The following PTPRD variants were observed in gnomAD, a reference collection of about 807,000 sequenced individuals.
PTPRD encodes protein tyrosine phosphatase receptor type D, also known as receptor-type tyrosine-protein phosphatase delta.
In PTPRD, 34 loss-of-function variants were observed where a neutral mutation model predicts 214.5. The ratio of observed to expected loss-of-function variants is 0.16; its 90% confidence interval spans 0.12 to 0.21. The LOEUF (loss-of-function observed/expected upper bound fraction) is 0.21, where lower values mean the gene tolerates loss of function less well. Ranked by LOEUF, PTPRD falls within the 10% of genes least tolerant of loss-of-function variation. The pLI, the probability that PTPRD is intolerant of heterozygous loss-of-function variation, is 1.00. For missense variants in PTPRD, 2,545 were observed against 2,398.7 expected (o/e 1.06, Z -1.27); for synonymous variants, 1,128 against 845.7 (o/e 1.33, Z -5.79).
intron 11 of PTPRD, among the ~76,000 whole-genome samples, chr9:8,943,700 C>T (rs546045337): frequency 6.7e-6 from 1 of 149,656 alleles, no homozygotes; most frequent in Admixed American, 6.7e-5. Flanking sequence ...ACTAGATATC[C>T]ACATGCAGAA....
At chr9:9,397,319 C>A (rs2141184415) in intron 9 of PTPRD, 130 bp downstream of exon 9, 1 of 152,230 alleles carries the variant, frequency 6.6e-6, no homozygotes, top group East Asian at 1.9e-4. Flanking sequence ...TCCTAAAATG[C>A]CTAATGAACT....
intron 4 of PTPRD, among the ~76,000 whole-genome samples, chr9:9,949,012 G>C (rs1202593212): frequency 6.6e-6 from 1 of 151,954 alleles, no homozygotes; most frequent in Non-Finnish European, 1.5e-5. Context: ...AGATTTCTGT[G>C]GTGGGATAAA....
chr9:9,523,058 T>A (rs828818), intron 8 of PTPRD, among the ~76,000 whole-genome samples: 5 of 152,188 alleles, frequency 3.3e-5, no homozygotes, highest in African/African-American at 1.2e-4. Context: ...ATAATTTATT[T>A]ATGTTGTTAA....
At chr9:8,809,430 A>G (rs142632175) in intron 11 of PTPRD, among the ~76,000 whole-genome samples, 304 of 152,284 alleles carry the variant, frequency 2.0e-3, no homozygotes, top group African/African-American at 7.1e-3. Context: ...TAGGCCTAAC[A>G]GTGGAGCCAA....
intron 34 of PTPRD, among the ~76,000 whole-genome samples, chr9:8,446,519 C>T (rs920686055): frequency 6.6e-6 from 1 of 152,110 alleles, no homozygotes; most frequent in East Asian, 1.9e-4. Flanking sequence ...AATCAATTTG[C>T]CTTTGGGAAC....
intron 4 of PTPRD, among the ~76,000 whole-genome samples, chr9:9,957,971 G>A (rs745548934): frequency 1.3e-5 from 2 of 151,324 alleles, no homozygotes; most frequent in Non-Finnish European, 2.9e-5. Context: ...GCAATTCAAT[G>A]GGGAAAAGGT....
chr9:8,469,930 T>G (rs10977133), intron 31 of PTPRD, among the ~76,000 whole-genome samples: 34,115 of 152,020 alleles, frequency 0.22, 4,596 homozygotes, highest in African/African-American at 0.37. Context: ...GTCTCCTTTG[T>G]GCAGACATAG....
intron 3 of PTPRD, among the ~76,000 whole-genome samples, chr9:10,041,711 T>A (rs2097299664): frequency 6.6e-6 from 1 of 152,046 alleles, no homozygotes; most frequent in African/African-American, 2.4e-5. Context: ...AAATTATAAT[T>A]TTCTTTGCAC....
intron 3 of PTPRD, among the ~76,000 whole-genome samples, chr9:10,252,295 C>T (rs115342284): frequency 6.6e-5 from 10 of 151,776 alleles, no homozygotes; most frequent in African/African-American, 2.4e-4. Flanking sequence ...CTGTGTGCCA[C>T]TCCTTCATCT....
intron 8 of PTPRD, among the ~76,000 whole-genome samples, chr9:9,462,681 C>T (rs1039690961): frequency 2.6e-5 from 4 of 152,074 alleles, no homozygotes; most frequent in East Asian, 1.9e-4. Flanking sequence ...TTTTCCTTTT[C>T]GATCTCCCTA....
chr9:8,797,533 T>C (rs1434276), intron 11 of PTPRD, among the ~76,000 whole-genome samples: 77,312 of 152,028 alleles, frequency 0.51, 21,120 homozygotes, highest in Middle Eastern at 0.67. Flanking sequence ...AAGATCGCCT[T>C]GCCCTTGAGA....
intron 5 of PTPRD, among the ~76,000 whole-genome samples, chr9:9,803,171 G>A (rs2099052210): frequency 1.3e-5 from 2 of 151,362 alleles, no homozygotes; most frequent in Non-Finnish European, 3.0e-5. Flanking sequence ...ACTGAAAATT[G>A]TGGTGGTCTA....
chr9:9,143,813 A>G (rs1310186797), intron 10 of PTPRD, among the ~76,000 whole-genome samples: 1 of 152,264 alleles, frequency 6.6e-6, no homozygotes, highest in African/African-American at 2.4e-5. Flanking sequence ...TTTGGACAGT[A>G]ACATAACCGA....
chr9:9,370,866 T>C (rs1281510433), intron 9 of PTPRD, among the ~76,000 whole-genome samples: 3 of 152,154 alleles, frequency 2.0e-5, no homozygotes, highest in Non-Finnish European at 2.9e-5. Context: ...TCTATTGAGA[T>C]AATCATGTGG....
chr9:9,389,988 A>T (rs1412441428), intron 9 of PTPRD, among the ~76,000 whole-genome samples: 1 of 152,184 alleles, frequency 6.6e-6, no homozygotes, highest in Non-Finnish European at 1.5e-5. Flanking sequence ...TAAGAGCATT[A>T]AGTGGGATAA....
At chr9:8,471,448 G>T (rs569722946) in intron 30 of PTPRD, among the ~76,000 whole-genome samples, 2 of 152,040 alleles carry the variant, frequency 1.3e-5, no homozygotes, top group Non-Finnish European at 2.9e-5. Flanking sequence ...TCTATGACAT[G>T]AATTTATAAG....
intron 3 of PTPRD, among the ~76,000 whole-genome samples, chr9:10,158,182 T>G (rs566900552): frequency 6.2e-4 from 94 of 152,220 alleles, no homozygotes; most frequent in South Asian, 2.1e-3. Flanking sequence ...TAATTTTTTG[T>G]GTTTTTAGTA....
chr9:8,463,308 CAAAAAAAAAAAAAAAAA>C (rs71308864), intron 32 of PTPRD, among the ~76,000 whole-genome samples: 1 of 28,862 alleles, frequency 3.5e-5, no homozygotes, highest in East Asian at 8.5e-4. Flanking sequence ...CAGAGGCAGC[CAAAAAAAAAAAAAAAAA>C]AAAAAAAAAG....
chr9:9,497,888 T>C (rs1045436698), intron 8 of PTPRD, among the ~76,000 whole-genome samples: 3 of 152,174 alleles, frequency 2.0e-5, no homozygotes, highest in Non-Finnish European at 4.4e-5. Flanking sequence ...TCAGCCAGAA[T>C]CTTCACATAT....
Sources: gnomAD v4.1 joint callset for allele counts (sites outside exome capture counted in the v4.1 genomes callset) on GRCh38, gnomAD v4.1.1 for gene constraint, MANE v1.5 for transcripts, NCBI Gene and HGNC (gene_info 2026-07-23, HGNC 2026-07-21) for gene names.